Variants in PLCE1 observed in about 807,000 individuals in gnomAD.
PLCE1 encodes phospholipase C epsilon 1.
In PLCE1, 119 loss-of-function variants were observed where a neutral mutation model predicts 242.8. That is an observed-to-expected ratio of 0.49 (90% CI 0.42 to 0.57). PLCE1 has a LOEUF of 0.57. PLCE1 is among the 20% of genes least tolerant of loss of function. The pLI, the probability that PLCE1 is intolerant of heterozygous loss-of-function variation, is 0.00. For synonymous variants in PLCE1, 945 were observed against 1,017.4 expected (o/e 0.93, Z 1.35); for missense variants, 2,441 against 2,788.8 (o/e 0.88, Z 2.81).
chr10:94,107,004 G>C (rs1321980489), intron 2 of PLCE1: 1 of 121,368 alleles, frequency 8.2e-6, no homozygotes, highest in African/African-American at 3.2e-5. Context: ...TGCTTCCTTG[G>C]TTATATAAAA....
At chr10:94,280,092 C>A in intron 20 of PLCE1, 181 bp downstream of exon 20, 1 of 645,864 alleles carries the variant, frequency 1.5e-6, no homozygotes, top group Non-Finnish European at 2.7e-6. Context: ...TTCTGTTAGC[C>A]AACACTTACA....
At chr10:94,143,427 G>C (rs778138029) in intron 3 of PLCE1, among the ~76,000 whole-genome samples, 3 of 152,086 alleles carry the variant, frequency 2.0e-5, no homozygotes, top group Admixed American at 6.6e-5. Flanking sequence ...ACTTTTGAGT[G>C]TTTCTAAATT....
At chr10:94,088,509 G>A (rs964383499) in intron 2 of PLCE1, among the ~76,000 whole-genome samples, 2 of 152,154 alleles carry the variant, frequency 1.3e-5, no homozygotes, top group Non-Finnish European at 2.9e-5. Context: ...AATAGCAGTT[G>A]CCCATCAATA....
chr10:94,074,666 T>C (rs1194682864), intron 2 of PLCE1, among the ~76,000 whole-genome samples: 1 of 152,242 alleles, frequency 6.6e-6, no homozygotes, highest in African/African-American at 2.4e-5. Flanking sequence ...TTAATATAAT[T>C]ACTCAAATGC....
chr10:94,324,268 C>T (rs760588409), intron 30 of PLCE1, 81 bp from the exon 31 acceptor site: 62 of 1,133,378 alleles, frequency 5.5e-5, no homozygotes, highest in Non-Finnish European at 7.5e-5. Flanking sequence ...GCCATTTTTC[C>T]ACCTTAAAGT....
chr10:94,025,372 T>C (rs1412815420), intron 1 of PLCE1, among the ~76,000 whole-genome samples: 1 of 152,088 alleles, frequency 6.6e-6, no homozygotes, highest in Non-Finnish European at 1.5e-5. Context: ...TGGGGGGAAA[T>C]TAGGAGTCTC....
At chr10:94,070,785 T>C (rs2044329495) in intron 2 of PLCE1, among the ~76,000 whole-genome samples, 1 of 152,174 alleles carries the variant, frequency 6.6e-6, no homozygotes, top group South Asian at 2.1e-4. Flanking sequence ...GTTTATTCTA[T>C]ACCTTCAAGC....
At chr10:94,313,063 T>A (rs1300759671) in intron 27 of PLCE1, among the ~76,000 whole-genome samples, 191 bp from the exon 28 acceptor site, 8 of 152,224 alleles carry the variant, frequency 5.3e-5, no homozygotes, top group African/African-American at 1.9e-4. Flanking sequence ...TTTGGTGATG[T>A]GCTTATGAAA....
rs538280893 is a variant in PLCE1, at chr10:94,085,451, T to G, written c.1207-46723T>G. Among the ~76,000 whole-genome samples the G allele has an allele frequency of 5.6e-4, 85 of 152,200 alleles. No homozygotes were observed. The South Asian group carries it at 0.015, about 27-fold the overall frequency. On this transcript the variant is annotated intron_variant, in intron 2 of 32. Coordinates refer to ENST00000371380, the MANE Select transcript of PLCE1 (RefSeq NM_016341.4). ...ACTGACTTGAGGAATCTGTGGCGTC[T>G]CAGAGGCAGTCCATATTTTGGAATG... is the stretch of plus-strand genomic sequence containing the variant.
chr10:94,251,019 C>T (rs980075843), intron 8 of PLCE1, among the ~76,000 whole-genome samples: 1 of 152,172 alleles, frequency 6.6e-6, no homozygotes, highest in Non-Finnish European at 1.5e-5. Context: ...AAGAACCCTG[C>T]TCCAGGAAGG....
Position 93,994,420 on chromosome 10 carries a change from C to T in PLCE1, c.-365+162C>T, listed in dbSNP as rs372783880. Among the ~76,000 whole-genome samples, 892 of 152,360 alleles carry T rather than the reference C, an allele frequency of 5.9e-3. 12 individuals are homozygous for T. The highest frequency in any genetic ancestry group is 0.02 in the African/African-American group (828 of 41,596). On this transcript the variant is annotated intron_variant, in intron 1 of 32. Coordinates refer to ENST00000371380, the MANE Select transcript of PLCE1 (RefSeq NM_016341.4). ...CCCGGGGGACCCGAGGCGGGCGGTCCTCCAGGGCATGCAGGCCGCCCTCGC... is the reference window on the plus strand; with the variant it reads ...CCCGGGGGACCCGAGGCGGGCGGTCTTCCAGGGCATGCAGGCCGCCCTCGC...
At chr10:94,179,337 T>C (rs2048221642) in intron 4 of PLCE1, among the ~76,000 whole-genome samples, 1 of 151,948 alleles carries the variant, frequency 6.6e-6, no homozygotes, top group African/African-American at 2.4e-5. Flanking sequence ...ACACAGGGCT[T>C]TCCTCACCCA....
chr10:94,179,512 G>GTTTTTTTTTGTTTTT (rs750384818), intron 4 of PLCE1, among the ~76,000 whole-genome samples: 7 of 19,398 alleles, frequency 3.6e-4, no homozygotes, highest in African/African-American at 1.1e-3. Flanking sequence ...TTTTAGTTTA[G>GTTTTTTTTTGTTTTT]TTTTTTTTTT....
chr10:94,055,364 G>T (rs1490484891), intron 2 of PLCE1, among the ~76,000 whole-genome samples: 3 of 150,874 alleles, frequency 2.0e-5, no homozygotes, highest in Non-Finnish European at 2.9e-5. Context: ...GGACTAGAGT[G>T]TGGTGGTGCG....
intron 7 of PLCE1, among the ~76,000 whole-genome samples, chr10:94,242,249 A>C (rs993280894): frequency 6.6e-6 from 1 of 152,192 alleles, no homozygotes; most frequent in Non-Finnish European, 1.5e-5. Context: ...GGAAAAGAGC[A>C]TAAAATATCA....
intron 2 of PLCE1, among the ~76,000 whole-genome samples, chr10:94,103,059 C>T (rs893727841): frequency 5.9e-5 from 9 of 152,184 alleles, no homozygotes; most frequent in African/African-American, 2.2e-4. Context: ...CTGCCCATCA[C>T]AATCTAAAGA....
chr10:94,040,422 T>C (rs1251231781), intron 2 of PLCE1, among the ~76,000 whole-genome samples: 1 of 150,950 alleles, frequency 6.6e-6, no homozygotes, highest in East Asian at 1.9e-4. Context: ...GGGAATGAGA[T>C]TGTCAGTCCA....
chr10:94,054,125 A>G (rs1224922841), intron 2 of PLCE1, among the ~76,000 whole-genome samples: 2 of 152,098 alleles, frequency 1.3e-5, no homozygotes, highest in Non-Finnish European at 2.9e-5. Context: ...TTAAAGACAC[A>G]TCCCTAGGCA....
intron 32 of PLCE1, among the ~76,000 whole-genome samples, chr10:94,326,781 C>G (rs1379248084): frequency 6.6e-6 from 1 of 152,084 alleles, no homozygotes; most frequent in African/African-American, 2.4e-5. Context: ...TTTTTCTGAC[C>G]AATGGATTCA....
Sources: allele counts gnomAD v4.1 joint callset (sites outside exome capture counted in the v4.1 genomes callset), GRCh38; gene constraint gnomAD v4.1.1; transcripts MANE v1.5; gene names NCBI Gene and HGNC (gene_info 2026-07-23, HGNC 2026-07-21).